Variants in ZBTB20 observed in about 807,000 individuals in gnomAD.
The protein encoded by ZBTB20 is zinc finger and BTB domain containing 20, also known as zinc finger and BTB domain-containing protein 20.
A neutral mutation model predicts 56.9 loss-of-function variants in ZBTB20; 9 were observed. The ratio of observed to expected loss-of-function variants is 0.16; its 90% CI spans 0.10 to 0.28. The LOEUF (loss-of-function observed/expected upper bound fraction) is 0.28, where lower values mean the gene tolerates loss of function less well. Among genes scored for constraint, ZBTB20 ranks in the 10% least tolerant of loss-of-function variants. The probability of loss-of-function intolerance (pLI) is 1.00; values close to 1 mark genes in which losing one functional copy is unlikely to be tolerated. For missense variants in ZBTB20, 655 were observed against 1,003.0 expected, an observed-to-expected ratio of 0.65 and a Z score of 4.69; for synonymous variants, 417 against 420.7, an observed-to-expected ratio of 0.99 and a Z score of 0.11.
chr3:114,392,086 G>T (rs1006813258), intron 7 of ZBTB20, among the ~76,000 whole-genome samples: 3 of 152,098 alleles, frequency 2.0e-5, no homozygotes, highest in African/African-American at 7.2e-5. Flanking sequence ...AAAAAACAAG[G>T]AAGCAAAGTT....
At chr3:114,670,210 C>T (rs749107043) in intron 6 of ZBTB20, among the ~76,000 whole-genome samples, 16 of 152,022 alleles carry the variant, frequency 1.1e-4, no homozygotes, top group Non-Finnish European at 2.1e-4. Flanking sequence ...TTGAATTCTA[C>T]TTTGGTTAGT....
At chr3:114,381,233 A>G (rs895230990) in intron 8 of ZBTB20, among the ~76,000 whole-genome samples, 3 of 152,136 alleles carry the variant, frequency 2.0e-5, no homozygotes, top group Non-Finnish European at 4.4e-5. Flanking sequence ...TACTCATCCT[A>G]CGCCTAAGAT....
intron 3 of ZBTB20, among the ~76,000 whole-genome samples, chr3:114,962,851 T>C (rs1333961323): frequency 6.6e-6 from 1 of 152,102 alleles, no homozygotes; most frequent in Non-Finnish European, 1.5e-5. Flanking sequence ...TCTCTTAAAC[T>C]CCATATTAGT....
chr3:114,964,987 G>A (rs1452352387), intron 3 of ZBTB20, among the ~76,000 whole-genome samples: 1 of 152,020 alleles, frequency 6.6e-6, no homozygotes, highest in African/African-American at 2.4e-5. Context: ...GTGCCATGTG[G>A]AAAAAAATTC....
At chr3:114,937,001 G>T (rs2076556630) in intron 3 of ZBTB20, among the ~76,000 whole-genome samples, 1 of 152,208 alleles carries the variant, frequency 6.6e-6, no homozygotes, top group Non-Finnish European at 1.5e-5. Flanking sequence ...AGATCTGCAT[G>T]CAGGAAAGTC....
At chr3:114,923,448 G>A (rs972797271) in intron 3 of ZBTB20, among the ~76,000 whole-genome samples, 1 of 152,056 alleles carries the variant, frequency 6.6e-6, no homozygotes, top group African/African-American at 2.4e-5. Flanking sequence ...CTTTGGCAAG[G>A]GCACCAACTA....
At chr3:115,072,971 G>T (rs1461446901) in intron 1 of ZBTB20, among the ~76,000 whole-genome samples, 1 of 152,150 alleles carries the variant, frequency 6.6e-6, no homozygotes, top group South Asian at 2.1e-4. Flanking sequence ...TTGTTGTGAA[G>T]AATAATAAGA....
chr3:114,877,546 T>C (rs1190183203), intron 4 of ZBTB20, among the ~76,000 whole-genome samples: 2 of 152,198 alleles, frequency 1.3e-5, no homozygotes, highest in Non-Finnish European at 2.9e-5. Flanking sequence ...GTGGAGATTA[T>C]TCAAGTCCAA....
chr3:115,101,017 A>G (rs1350120903), intron 1 of ZBTB20, among the ~76,000 whole-genome samples: 1 of 152,258 alleles, frequency 6.6e-6, no homozygotes, highest in Non-Finnish European at 1.5e-5. Flanking sequence ...AACAGAATTA[A>G]GCTTAATTAA....
intron 10 of ZBTB20, among the ~76,000 whole-genome samples, chr3:114,364,280 C>T (rs186148094): frequency 1.8e-4 from 27 of 152,208 alleles, no homozygotes; most frequent in African/African-American, 5.8e-4. Flanking sequence ...GGTGAAACCT[C>T]GTCTCTTCTA....
intron 3 of ZBTB20, among the ~76,000 whole-genome samples, chr3:114,968,103 G>A (rs1015106135): frequency 7.2e-5 from 11 of 151,966 alleles, no homozygotes; most frequent in Admixed American, 3.3e-4. Flanking sequence ...TATAGCATGC[G>A]TATATATGCA....
chr3:114,961,862 TGTTATG>T (rs1255395882), intron 3 of ZBTB20, among the ~76,000 whole-genome samples: 1 of 152,128 alleles, frequency 6.6e-6, no homozygotes, highest in Non-Finnish European at 1.5e-5. Flanking sequence ...AGAATGCTAT[TGTTATG>T]GTTATTTCAT....
intron 1 of ZBTB20, among the ~76,000 whole-genome samples, chr3:115,094,307 A>C (rs1248626845): frequency 1.3e-5 from 2 of 152,060 alleles, no homozygotes; most frequent in Non-Finnish European, 2.9e-5. Context: ...TAATGTGTCC[A>C]GTATTTAAGA....
chr3:114,844,254 A>G (rs2074536597), intron 4 of ZBTB20, among the ~76,000 whole-genome samples: 1 of 149,516 alleles, frequency 6.7e-6, no homozygotes, highest in South Asian at 2.1e-4. Context: ...AAATTTTTAT[A>G]AAATTCTAGG....
At chr3:114,913,685 T>A (rs990379653) in intron 3 of ZBTB20, among the ~76,000 whole-genome samples, 27 of 142,412 alleles carry the variant, frequency 1.9e-4, no homozygotes, top group Admixed American at 1.8e-3. Flanking sequence ...TTCCTCAGTG[T>A]TTTTTTTTTC....
At chr3:115,123,932 C>A (rs923311055) in intron 1 of ZBTB20, among the ~76,000 whole-genome samples, 1 of 152,112 alleles carries the variant, frequency 6.6e-6, no homozygotes, top group Non-Finnish European at 1.5e-5. Context: ...TAGCACTACC[C>A]GAATAAACCC....
chr3:114,778,251 T>C (rs1220684388), intron 5 of ZBTB20, among the ~76,000 whole-genome samples: 1 of 87,264 alleles, frequency 1.1e-5, no homozygotes, highest in African/African-American at 7.8e-5. Context: ...ATGTTAATAA[T>C]AATAATAATA....
chr3:114,350,966 T>C lies in ZBTB20; in HGVS notation c.1112A>G (p.Lys371Arg). ...DQAEGTESEP[K>R]GESFDSGVSS... ...GACGCCCGAGTCGAAGCTTTCACCTTTGGGCTCACTCTCGGTGCCCTCGGC... is the reference window on the plus strand; with the variant it reads ...GACGCCCGAGTCGAAGCTTTCACCTCTGGGCTCACTCTCGGTGCCCTCGGC... Residue 371 changes from lysine (K) to arginine (R), a missense_variant, in exon 11 of 12, where the codon AAA (lysine) becomes AGA (arginine). By Grantham distance (26) the Lys-to-Arg change is conservative. Around this residue, in one of 10 missense-constraint regions of ZBTB20, gnomAD observed 156 missense variants for 181.0 expected, o/e 0.86. Transcript: ENST00000675478. 6.2e-7 allele frequency: 1 copy of C among 1,607,384 alleles called. No homozygotes were observed. Among genetic ancestry groups the C allele is most frequent in the Non-Finnish European group, 8.5e-7 (1 of 1,179,768 alleles).
chr3:114,396,207 T>G (rs551008288), intron 7 of ZBTB20, among the ~76,000 whole-genome samples: 10 of 152,166 alleles, frequency 6.6e-5, no homozygotes, highest in Admixed American at 6.5e-4. Flanking sequence ...AGCATTTTAT[T>G]TGGTATTATC....
Sources: gnomAD v4.1 joint callset for allele counts (sites outside exome capture counted in the v4.1 genomes callset) on GRCh38, gnomAD v4.1.1 for gene constraint, gnomAD v4.1.1 regional missense constraint, MANE v1.5 for transcripts, NCBI Gene and HGNC (gene_info 2026-07-23, HGNC 2026-07-21) for gene names.